ADAMTS9: variants seen among roughly 807,000 people sequenced by gnomAD.
The protein encoded by ADAMTS9 is A disintegrin and metalloproteinase with thrombospondin motifs 9.
ADAMTS9 carries 107 observed loss-of-function variants against 257.1 expected under a neutral mutation model. The ratio of observed to expected loss-of-function variants is 0.42; its 90% CI spans 0.36 to 0.49. The LOEUF is 0.49. Ranked by LOEUF, ADAMTS9 falls within the 20% of genes least tolerant of loss-of-function variation. The pLI, the probability that ADAMTS9 is intolerant of heterozygous loss-of-function variation, is 0.03. For synonymous variants in ADAMTS9, 982 were observed against 880.9 expected, an observed-to-expected ratio of 1.11 and a Z score of -2.03; for missense variants, 2,353 against 2,469.1, an observed-to-expected ratio of 0.95 and a Z score of 1.00.
chr3:64,677,652 C>T (rs971118739), intron 3 of ADAMTS9, among the ~76,000 whole-genome samples: 1 of 152,176 alleles, frequency 6.6e-6, no homozygotes, highest in African/African-American at 2.4e-5. Flanking sequence ...CTGTGATTGT[C>T]TACCACATGC....
At position 64,546,944 on chromosome 3, in the gene ADAMTS9, C is replaced by T. The variant is rs1476265896; in HGVS notation, c.4878G>A (p.Val1626=). Residue 1626 remains valine (V), a synonymous_variant, in exon 32 of 40, where the codon GTG becomes GTA. Transcript: ENST00000498707. ...WITGEWSECS[V]TCGKGYKQRL... is the part of the protein sequence containing the mutation. ...TTTGTTTGTAGCCTTTTCCACAGGTCACTGAGCACTGCAAAGACAGGGATT... is the reference window on the plus strand; with the variant it reads ...TTTGTTTGTAGCCTTTTCCACAGGTTACTGAGCACTGCAAAGACAGGGATT... 1 of 1,606,370 alleles carries T rather than the reference C, an allele frequency of 6.2e-7. No individual in the cohort carries two copies. Among genetic ancestry groups the T allele is most frequent in the Admixed American group, 1.7e-5 (1 of 59,684 alleles).
rs56303990 is a variant in ADAMTS9 at position 64,639,314 on chromosome 3, A to T, written c.1856+2534T>A. ...GATTGTTTTTTTTTTTTTTTTTTTA[A>T]AAAAAAAAAAAAAAAAACCTCCCAT... On this transcript the variant is annotated intron_variant, in intron 12 of 39. Transcript: ENST00000498707. Among the ~76,000 whole-genome samples, 381 of 79,768 alleles carry T rather than the reference A, an allele frequency of 4.8e-3. 5 individuals carry two copies. The highest frequency in any genetic ancestry group is 0.022 in the East Asian group (57 of 2,624). The allele number at this position is 79,768 out of a possible 152,430, so 52.3% of individuals were successfully genotyped here. A position where few individuals can be genotyped will look rare whatever the true frequency, so the allele number is the denominator to read the frequency against.
At chr3:64,543,681 G>A (rs1353765654) in intron 32 of ADAMTS9, among the ~76,000 whole-genome samples, 1 of 152,122 alleles carries the variant, frequency 6.6e-6, no homozygotes, top group Non-Finnish European at 1.5e-5. Context: ...GGCAAAAACT[G>A]GAAGCATTCC....
chr3:64,650,011 C>G (rs780750208), intron 9 of ADAMTS9: 11 of 456,610 alleles, frequency 2.4e-5, no homozygotes, highest in Non-Finnish European at 4.2e-5. Flanking sequence ...GAAATATACA[C>G]CTGTTACAAC....
intron 12 of ADAMTS9, among the ~76,000 whole-genome samples, chr3:64,636,379 T>A (rs1700497265): frequency 6.6e-6 from 1 of 152,214 alleles, no homozygotes; most frequent in South Asian, 2.1e-4. Context: ...CAGCTATGCC[T>A]CTTAATAATG....
intron 10 of ADAMTS9, among the ~76,000 whole-genome samples, chr3:64,648,772 T>C (rs1700859455): frequency 6.6e-6 from 1 of 152,178 alleles, no homozygotes; most frequent in Non-Finnish European, 1.5e-5. Flanking sequence ...TGTTCCCAGA[T>C]GTAGATCATT....
intron 22 of ADAMTS9, among the ~76,000 whole-genome samples, chr3:64,610,440 T>C (rs139865965): frequency 6.6e-6 from 1 of 152,250 alleles, no homozygotes; most frequent in Admixed American, 6.5e-5. Context: ...ATTATTGAAT[T>C]ATACATTTAA....
rs1197591568 is a variant in ADAMTS9 at position 64,686,267 on chromosome 3, T to G, written c.516+301A>C. On this transcript the variant is annotated intron_variant, in intron 2 of 39. Transcript: ENST00000498707. This position sits in a 1 kb window ranked among gnomAD's most constrained non-coding sequence, Gnocchi z 4.6. ...GCAACTCCAGTAACTTTCTCCGAGT[T>G]TGGAAACTGACTTCCAGGCCGCCTC... Among the ~76,000 whole-genome samples the G allele has an allele frequency of 6.6e-6, 1 of 152,188 alleles. No individual in the cohort carries two copies. The highest frequency in any genetic ancestry group is 1.9e-4 in the East Asian group (1 of 5,172).
At chr3:64,577,202 T>C (rs2083875660) in intron 28 of ADAMTS9, among the ~76,000 whole-genome samples, 1 of 152,140 alleles carries the variant, frequency 6.6e-6, no homozygotes, top group South Asian at 2.1e-4. Context: ...GTGAATTCTA[T>C]CGTGGCTATA....
At chr3:64,651,786 A>T (rs190141037) in intron 8 of ADAMTS9, among the ~76,000 whole-genome samples, 1 of 152,306 alleles carries the variant, frequency 6.6e-6, no homozygotes, top group East Asian at 1.9e-4. Flanking sequence ...TAACTCAGAG[A>T]TGGCAAATAG....
intron 32 of ADAMTS9, among the ~76,000 whole-genome samples, chr3:64,542,932 A>C (rs2083146226): frequency 6.6e-6 from 1 of 152,122 alleles, no homozygotes; most frequent in African/African-American, 2.4e-5. Context: ...GATAAAGGGA[A>C]TATCACCACC....
Position 64,633,466 on chromosome 3 carries a change from A to G in ADAMTS9, c.2175+6T>C. ...CACAGTGAAGAAAACACCATCAAGG[A>G]CTTACCCGGCAAAGGCCCTGGACAC... On this transcript the variant is annotated splice_donor_region_variant and intron_variant, in intron 14 of 39. Coordinates refer to ENST00000498707, the MANE Select transcript of ADAMTS9 (RefSeq NM_182920.2). The G allele has an allele frequency of 6.2e-7, 1 of 1,613,920 alleles. No homozygotes were observed. The highest frequency in any genetic ancestry group is 8.5e-7 in the Non-Finnish European group (1 of 1,179,932).
rs564805256 is a variant in ADAMTS9 at position 64,561,030 on chromosome 3, G to A, written c.4698+548C>T. On this transcript the variant is annotated intron_variant, in intron 30 of 39. Transcript: ENST00000498707. ...AAGCAAGGCCTGTCCACTTCTGCACGGACCATCAACGGAGCAGTTTCTTCA... is the reference window on the plus strand; with the variant it reads ...AAGCAAGGCCTGTCCACTTCTGCACAGACCATCAACGGAGCAGTTTCTTCA... Among the ~76,000 whole-genome samples the A allele has an allele frequency of 2.7e-5, 4 of 150,576 alleles. No individual in the cohort carries two copies. In the East Asian group the frequency reaches 5.9e-4, roughly 22 times the overall value.
At chr3:64,663,121 G>A (rs890658557) in intron 3 of ADAMTS9, among the ~76,000 whole-genome samples, 2 of 152,012 alleles carry the variant, frequency 1.3e-5, no homozygotes, top group African/African-American at 4.8e-5. Flanking sequence ...TGGGAGTGTG[G>A]TTAGCTAAAA....
chr3:64,607,178 A>G, intron 22 of ADAMTS9, 99 bp from the exon 23 acceptor site: 1 of 1,506,876 alleles, frequency 6.6e-7, no homozygotes, highest in Non-Finnish European at 9.0e-7. Flanking sequence ...CTTCCATCAC[A>G]GTAGGCCAGA....
At chr3:64,572,170 C>A (rs1418617235) in intron 28 of ADAMTS9, among the ~76,000 whole-genome samples, 1 of 152,156 alleles carries the variant, frequency 6.6e-6, no homozygotes, top group Non-Finnish European at 1.5e-5. Flanking sequence ...ACAATGTAAT[C>A]TCTGTTTGTT....
At chr3:64,656,453 C>G (rs1360551032) in intron 4 of ADAMTS9, among the ~76,000 whole-genome samples, 1 of 152,094 alleles carries the variant, frequency 6.6e-6, no homozygotes, top group Non-Finnish European at 1.5e-5. Flanking sequence ...TGCATTTAGT[C>G]TCTATACAGC....
At position 64,655,706 on chromosome 3, in the gene ADAMTS9, G is replaced by C; in HGVS notation, c.1054-15C>G. 6.2e-7 allele frequency: 1 copy of C among 1,606,268 alleles called. No individual in the cohort carries two copies. The highest frequency in any genetic ancestry group is 1.3e-5 in the African/African-American group (1 of 74,818). On this transcript the variant is annotated splice_polypyrimidine_tract_variant and intron_variant, in intron 5 of 39. Transcript: ENST00000498707. ...GAAGGCCCATCCTAAATACAGAGAA[G>C]AATTATGGTTAATCTGTTGTACCGA...
chr3:64,579,935 C>T (rs1438511476), intron 28 of ADAMTS9, among the ~76,000 whole-genome samples: 1 of 152,118 alleles, frequency 6.6e-6, no homozygotes. Context: ...AAGAAGCCGA[C>T]AAGAGGCAGA....
Sources: gnomAD v4.1 joint callset for allele counts (sites outside exome capture counted in the v4.1 genomes callset) on GRCh38, gnomAD v4.1.1 for gene constraint, Gnocchi (gnomAD v3.1) non-coding constraint, MANE v1.5 for transcripts, NCBI Gene and HGNC (gene_info 2026-07-23, HGNC 2026-07-21) for gene names.